TMEM207: variants seen among roughly 807,000 people sequenced by gnomAD.
The protein encoded by TMEM207 is SRSR846.
In TMEM207, 15 loss-of-function variants were observed where a neutral mutation model predicts 17.4. The observed-to-expected ratio is 0.86, with a 90% CI of 0.58 to 1.33. The LOEUF is 1.33. TMEM207 is among the 40% of genes most tolerant of loss of function. The pLI, the probability that TMEM207 is intolerant of heterozygous loss-of-function variation, is 0.00. For missense variants in TMEM207, 205 were observed against 173.8 expected, an observed-to-expected ratio of 1.18 and a Z score of -1.01; for synonymous variants, 70 against 65.6, an observed-to-expected ratio of 1.07 and a Z score of -0.33.
chr3:190,444,417 A>C, intron 2 of TMEM207: 3 of 985,326 alleles, frequency 3.0e-6, no homozygotes, highest in Non-Finnish European at 3.6e-6. Flanking sequence ...AGTAATAGCC[A>C]GCTCTAACCT....
intron 1 of TMEM207, among the ~76,000 whole-genome samples, chr3:190,448,727 A>G (rs1236985254): frequency 6.6e-6 from 1 of 152,164 alleles, no homozygotes; most frequent in Non-Finnish European, 1.5e-5. Flanking sequence ...ATTTAAAGTG[A>G]TAGACTTGGG....
chr3:190,440,794 C>T (rs546795693), intron 3 of TMEM207, among the ~76,000 whole-genome samples: 1 of 152,274 alleles, frequency 6.6e-6, no homozygotes, highest in East Asian at 1.9e-4. Context: ...AGGGGCCGGG[C>T]GCGGTGGCTC....
intron 4 of TMEM207, 136 bp downstream of exon 4, chr3:190,440,108 A>G: frequency 1.0e-6 from 1 of 975,050 alleles, no homozygotes; most frequent in Non-Finnish European, 1.5e-6. Context: ...AACTCTCCTC[A>G]GTGCAGGCCT....
chr3:190,435,100 C>T (rs746505703), intron 4 of TMEM207, among the ~76,000 whole-genome samples: 1 of 152,142 alleles, frequency 6.6e-6, no homozygotes, highest in African/African-American at 2.4e-5. Context: ...TCTTCCTCCT[C>T]ACTCCCCAAG....
At chr3:190,442,622 C>T (rs1226868777) in intron 2 of TMEM207, among the ~76,000 whole-genome samples, 1 of 151,904 alleles carries the variant, frequency 6.6e-6, no homozygotes, top group African/African-American at 2.4e-5. Context: ...TGTTTATTTG[C>T]TCTTTGTTCT....
At chr3:190,439,804 A>G (rs1226001276) in intron 4 of TMEM207, among the ~76,000 whole-genome samples, 1 of 152,224 alleles carries the variant, frequency 6.6e-6, no homozygotes, top group Admixed American at 6.5e-5. Context: ...GACCGCAGAC[A>G]TCTGGAAAGT....
intron 4 of TMEM207, 68 bp downstream of exon 4, chr3:190,440,176 C>T: frequency 6.5e-6 from 10 of 1,528,266 alleles, no homozygotes; most frequent in South Asian, 2.6e-5. Context: ...TTTGGGAGAA[C>T]AGTTTTTCAA....
At chr3:190,431,912 T>C (rs1479578448) in intron 4 of TMEM207, among the ~76,000 whole-genome samples, 1 of 152,174 alleles carries the variant, frequency 6.6e-6, no homozygotes, top group Non-Finnish European at 1.5e-5. Context: ...TTGGTAAACA[T>C]AATTAAGCCA....
intron 4 of TMEM207, among the ~76,000 whole-genome samples, chr3:190,435,622 T>C (rs1417256283): frequency 6.6e-6 from 1 of 152,190 alleles, no homozygotes; most frequent in Non-Finnish European, 1.5e-5. Flanking sequence ...CCAGGGTCTC[T>C]TCTACAGAAT....
intron 4 of TMEM207, among the ~76,000 whole-genome samples, chr3:190,439,043 G>A (rs1307429716): frequency 1.3e-5 from 2 of 151,984 alleles, no homozygotes; most frequent in Non-Finnish European, 1.5e-5. Flanking sequence ...CGGGCGTGGT[G>A]GCGGGCGCCT....
At chr3:190,444,558 C>A (rs561827428) in intron 2 of TMEM207, 1 of 554,592 alleles carries the variant, frequency 1.8e-6, no homozygotes, top group South Asian at 8.0e-5. Flanking sequence ...AGAGAATAGG[C>A]CAATAGTGAG....
At chr3:190,430,212 T>C (rs1719662418) in intron 4 of TMEM207, among the ~76,000 whole-genome samples, 1 of 152,106 alleles carries the variant, frequency 6.6e-6, no homozygotes, top group Non-Finnish European at 1.5e-5. Context: ...AGCTCGGTGA[T>C]GAAAGCACGC....
chr3:190,445,741 G>T (rs949385009), intron 2 of TMEM207, among the ~76,000 whole-genome samples: 1 of 152,136 alleles, frequency 6.6e-6, no homozygotes, highest in Non-Finnish European at 1.5e-5. Context: ...GGCCAGGCTG[G>T]TCTCGAACTC....
At chr3:190,434,776 G>A (rs146482835) in intron 4 of TMEM207, among the ~76,000 whole-genome samples, 251 of 152,278 alleles carry the variant, frequency 1.6e-3, no homozygotes, top group African/African-American at 5.7e-3. Flanking sequence ...TTGAGCGGAC[G>A]CTCTCTGGGT....
chr3:190,445,179 T>C (rs1720017983), intron 2 of TMEM207, among the ~76,000 whole-genome samples: 1 of 152,196 alleles, frequency 6.6e-6, no homozygotes. Context: ...CCAAGCAAGA[T>C]GTGGTATATC....
At chr3:190,437,044 G>A (rs969101268) in intron 4 of TMEM207, among the ~76,000 whole-genome samples, 2 of 152,190 alleles carry the variant, frequency 1.3e-5, no homozygotes, top group Non-Finnish European at 2.9e-5. Flanking sequence ...ATAGGACAGA[G>A]TAACTAATGG....
chr3:190,434,972 A>G (rs533108929), intron 4 of TMEM207, among the ~76,000 whole-genome samples: 3 of 152,302 alleles, frequency 2.0e-5, no homozygotes, highest in African/African-American at 4.8e-5. Context: ...AGTCCTTAAA[A>G]TATCTCTGAT....
At position 190,429,433 on chromosome 3, in the gene TMEM207, C is replaced by A. The variant is rs1577440683; in HGVS notation, c.*162G>T. On this transcript the variant is annotated 3_prime_UTR_variant, in exon 5 of 5. Transcript: ENST00000354905. Reference sequence around the variant, plus strand: ...TTTACTATTTAAACATCTCCATGACCAAAATTTTTTCCAACATCCATTCTT... The same window carrying A: ...TTTACTATTTAAACATCTCCATGACAAAAATTTTTTCCAACATCCATTCTT... 8 of 1,008,536 alleles carry A rather than the reference C, an allele frequency of 7.9e-6. No individual in the cohort carries two copies. The South Asian group carries it at 9.0e-5, about 11-fold the overall frequency. 62.5% of individuals were successfully genotyped at this position (1,008,536 alleles called of 1,614,324 possible).
chr3:190,433,488 C>G (rs1249983746), intron 4 of TMEM207, among the ~76,000 whole-genome samples: 1 of 151,662 alleles, frequency 6.6e-6, no homozygotes, highest in Non-Finnish European at 1.5e-5. Context: ...TTTATTTTAC[C>G]CTATCATAAT....
Sources: allele counts gnomAD v4.1 joint callset (sites outside exome capture counted in the v4.1 genomes callset), GRCh38; gene constraint gnomAD v4.1.1; transcripts MANE v1.5; gene names NCBI Gene and HGNC (gene_info 2026-07-23, HGNC 2026-07-21).